ADK: variants seen among roughly 807,000 people sequenced by gnomAD.
ADK encodes adenosine kinase.
Under a neutral mutation model 44.7 loss-of-function variants are expected in ADK, and 24 were observed. The ratio of observed to expected loss-of-function variants is 0.54; its 90% CI spans 0.39 to 0.76. The LOEUF (loss-of-function observed/expected upper bound fraction) is 0.76. ADK is among the 30% of genes least tolerant of loss of function. The pLI is 0.00. For missense variants in ADK, 321 were observed against 425.1 expected (o/e 0.76, Z 2.15); for synonymous variants, 128 against 142.6 (o/e 0.90, Z 0.73).
At chr10:74,566,914 T>C (rs762380803) in intron 7 of ADK, among the ~76,000 whole-genome samples, 1 of 152,254 alleles carries the variant, frequency 6.6e-6, no homozygotes, top group Non-Finnish European at 1.5e-5. Context: ...TATTTCATAA[T>C]GGAATCTCTA....
intron 6 of ADK, among the ~76,000 whole-genome samples, chr10:74,455,519 C>T (rs1564731666): frequency 6.7e-6 from 1 of 150,252 alleles, no homozygotes; most frequent in Non-Finnish European, 1.5e-5. Context: ...AAATTCTTTT[C>T]TTTTTTTTTG....
intron 6 of ADK, among the ~76,000 whole-genome samples, chr10:74,474,477 C>CT (rs1564742497): frequency 6.6e-6 from 1 of 151,418 alleles, no homozygotes; most frequent in Admixed American, 6.6e-5. Context: ...TTCTTTCTTT[C>CT]TTTTTCTCTC....
At chr10:74,389,633 A>C (rs1843269961) in intron 4 of ADK, among the ~76,000 whole-genome samples, 1 of 152,086 alleles carries the variant, frequency 6.6e-6, no homozygotes, top group Non-Finnish European at 1.5e-5. Context: ...CTGGTTTTAG[A>C]ATGACTTTTG....
chr10:74,640,604 G>A (rs1372538036), intron 9 of ADK, among the ~76,000 whole-genome samples: 1 of 152,100 alleles, frequency 6.6e-6, no homozygotes, highest in Non-Finnish European at 1.5e-5. Flanking sequence ...TTTAAATCAG[G>A]AATCGGCAAA....
chr10:74,677,157 A>C lies in ADK; in HGVS notation c.964+6888A>C, dbSNP rs527730038. Among the ~76,000 whole-genome samples, 315 of 152,200 alleles carry C rather than the reference A, an allele frequency of 2.1e-3. 1 individual carries two copies. The highest frequency in any genetic ancestry group is 7.1e-3 in the African/African-American group (295 of 41,538). On this transcript the variant is annotated intron_variant, in intron 10 of 10. Coordinates refer to ENST00000539909, the MANE Select transcript of ADK (RefSeq NM_006721.4). ...CTACTCCGGAGGCTGAGGTGGGAGG[A>C]TTGCTGGAGCCTGGGAGGTCGAAGC... is the stretch of plus-strand genomic sequence containing the variant.
intron 7 of ADK, among the ~76,000 whole-genome samples, chr10:74,566,846 A>G (rs934364782): frequency 6.6e-6 from 1 of 152,260 alleles, no homozygotes; most frequent in Admixed American, 6.5e-5. Context: ...TACTTTTTAT[A>G]GAAAGATAGC....
chr10:74,388,291 T>C (rs2132027675), intron 4 of ADK, among the ~76,000 whole-genome samples: 1 of 152,344 alleles, frequency 6.6e-6, no homozygotes, highest in South Asian at 2.1e-4. Context: ...GAAATTGACG[T>C]TTAGCAGTGT....
At chr10:74,577,110 C>CTA (rs1554883617) in intron 7 of ADK, among the ~76,000 whole-genome samples, 4 of 137,328 alleles carry the variant, frequency 2.9e-5, no homozygotes, top group Non-Finnish European at 6.2e-5. Context: ...TATTATTTCT[C>CTA]TGTGTGTGTG....
intron 7 of ADK, among the ~76,000 whole-genome samples, chr10:74,539,947 T>C (rs1849570002): frequency 6.6e-6 from 1 of 152,170 alleles, no homozygotes; most frequent in South Asian, 2.1e-4. Flanking sequence ...ATGGGAAAGA[T>C]TCAGAAAATG....
intron 3 of ADK, among the ~76,000 whole-genome samples, chr10:74,263,111 A>C (rs1480337161): frequency 6.6e-6 from 1 of 152,204 alleles, no homozygotes; most frequent in African/African-American, 2.4e-5. Context: ...GTAATAGCAA[A>C]GTTTTCTCCC....
rs1367251306 is a variant in ADK at position 74,186,218 on chromosome 10, T to TTCCCTTCCCC, written c.66-14542_66-14533dup. Among the ~76,000 whole-genome samples the TTCCCTTCCCC allele has an allele frequency of 7.1e-5, 3 of 41,984 alleles. No individual in the cohort carries two copies. The East Asian group carries it at 1.0e-3, about 15-fold the overall frequency. The allele number at this position is 41,984 out of a possible 152,430, so 27.5% of individuals were successfully genotyped here. A position where few individuals can be genotyped will look rare whatever the true frequency, so the allele number is the denominator to read the frequency against. Reference sequence around the variant, plus strand: ...TTCCCTTCCCTTCCCTTCCCTTCCTTTCCCTTCCCCTCCTTTCCCTTCCCC... The same window carrying TTCCCTTCCCC: ...TTCCCTTCCCTTCCCTTCCCTTCCTTTCCCTTCCCCTCCCTTCCCCTCCTTTCCCTTCCCC... On this transcript the variant is annotated intron_variant, in intron 1 of 10. Coordinates refer to ENST00000539909, the MANE Select transcript of ADK (RefSeq NM_006721.4).
At chr10:74,608,235 A>G (rs1852408892) in intron 9 of ADK, among the ~76,000 whole-genome samples, 1 of 151,658 alleles carries the variant, frequency 6.6e-6, no homozygotes, top group Admixed American at 6.6e-5. Context: ...ACTTCTGTCA[A>G]TTTGTCAAAC....
chr10:74,392,068 T>C (rs1843355428), intron 4 of ADK, among the ~76,000 whole-genome samples: 1 of 152,194 alleles, frequency 6.6e-6, no homozygotes, highest in Admixed American at 6.5e-5. Context: ...TGTTGATAGA[T>C]GTCTGGGTTG....
At chr10:74,620,203 A>G (rs1852938002) in intron 9 of ADK, among the ~76,000 whole-genome samples, 2 of 152,238 alleles carry the variant, frequency 1.3e-5, no homozygotes, top group African/African-American at 2.4e-5. Context: ...GTAGAACACT[A>G]GAATTTATTC....
chr10:74,186,794 A>T (rs1286123776), intron 1 of ADK, among the ~76,000 whole-genome samples: 1 of 152,168 alleles, frequency 6.6e-6, no homozygotes, highest in Admixed American at 6.5e-5. Flanking sequence ...TGGTGTGTGT[A>T]TCAGTAGTTT....
chr10:74,193,922 T>C (rs139656874), intron 1 of ADK, among the ~76,000 whole-genome samples: 81 of 152,204 alleles, frequency 5.3e-4, no homozygotes, highest in African/African-American at 1.9e-3. Flanking sequence ...GATCAGTTGA[T>C]TGAGATAAAG....
At chr10:74,365,969 A>G (rs889256473) in intron 4 of ADK, among the ~76,000 whole-genome samples, 2 of 152,162 alleles carry the variant, frequency 1.3e-5, no homozygotes, top group Non-Finnish European at 2.9e-5. Context: ...CTAATGACTA[A>G]TGATATTGTA....
intron 9 of ADK, among the ~76,000 whole-genome samples, chr10:74,607,710 TG>T (rs1852378585): frequency 6.6e-6 from 1 of 152,190 alleles, no homozygotes; most frequent in African/African-American, 2.4e-5. Flanking sequence ...TTATGTGTTT[TG>T]GGGTTGCTCT....
intron 5 of ADK, among the ~76,000 whole-genome samples, chr10:74,394,545 T>A (rs2306161): frequency 0.64 from 97,400 of 152,058 alleles, 32,608 homozygotes; most frequent in Middle Eastern, 0.8. Context: ...TAGTCCAGTC[T>A]CTACTTTTTA....
Sources: allele counts gnomAD v4.1 joint callset (sites outside exome capture counted in the v4.1 genomes callset), GRCh38; gene constraint gnomAD v4.1.1; transcripts MANE v1.5; gene names NCBI Gene and HGNC (gene_info 2026-07-23, HGNC 2026-07-21).